SMAD6: variants seen among roughly 807,000 people sequenced by gnomAD.
SMAD6 encodes MAD homolog 6.
SMAD6 carries 103 observed loss-of-function variants against 39.4 expected under a neutral mutation model. That is an observed-to-expected ratio of 2.62 (90% confidence interval 2.23 to 3.08). The LOEUF (loss-of-function observed/expected upper bound fraction) is 3.08. Among genes scored for constraint, SMAD6 ranks in the 30% most tolerant of loss-of-function variants. SMAD6 has a pLI of 0.00. For synonymous variants in SMAD6, 445 were observed against 353.3 expected (o/e 1.26, Z -2.91); for missense variants, 1,104 against 742.9 (o/e 1.49, Z -5.65).
chr15:66,752,631 AT>A (rs1894027326), intron 3 of SMAD6, among the ~76,000 whole-genome samples: 1 of 152,032 alleles, frequency 6.6e-6, no homozygotes, highest in Non-Finnish European at 1.5e-5. Flanking sequence ...CAAAAAAAAA[AT>A]AATAATTAAA....
intron 3 of SMAD6, among the ~76,000 whole-genome samples, chr15:66,746,754 G>C (rs1022297488): frequency 6.6e-6 from 1 of 152,180 alleles, no homozygotes; most frequent in Non-Finnish European, 1.5e-5. Flanking sequence ...AGGTGACCAG[G>C]TAGGGTGAGG....
chr15:66,720,835 G>T (rs1893419686), intron 3 of SMAD6, among the ~76,000 whole-genome samples: 1 of 152,194 alleles, frequency 6.6e-6, no homozygotes, highest in Admixed American at 6.5e-5. Context: ...GGTCTAAGCT[G>T]CCCATCACTG....
chr15:66,754,358 T>G (rs2140651363), intron 3 of SMAD6, among the ~76,000 whole-genome samples: 1 of 152,318 alleles, frequency 6.6e-6, no homozygotes, highest in Non-Finnish European at 1.5e-5. Flanking sequence ...TTTGCGGTAT[T>G]CAGGGGTTCA....
chr15:66,703,274 C>A lies in SMAD6; in HGVS notation c.16C>A (p.Arg6Ser). The part of the protein sequence containing the change: MFRSK[R>S]SGLVRRLWRS... ...AGGATATCGTATGTTCAGGTCCAAA[C>A]GCTCGGGGCTGGTGCGGCGACTTTG... is the stretch of plus-strand genomic sequence containing the variant. The change falls in exon 1 of 4, where the codon CGC (arginine) becomes AGC (serine). Residue 6 changes from arginine (R) to serine (S), a missense_variant. Coordinates refer to ENST00000288840, the MANE Select transcript of SMAD6 (RefSeq NM_005585.5). 1.3e-6 allele frequency: 2 copies of A among 1,481,808 alleles called. No homozygotes were observed. Among genetic ancestry groups the A allele is most frequent in the Non-Finnish European group, 1.8e-6 (2 of 1,115,440 alleles). The allele number at this position is 1,481,808 out of a possible 1,614,324, so 91.8% of individuals were successfully genotyped here. A position where few individuals can be genotyped will look rare whatever the true frequency, so the allele number is the denominator to read the frequency against.
chr15:66,738,036 G>A (rs188354805), intron 3 of SMAD6, among the ~76,000 whole-genome samples: 90 of 152,312 alleles, frequency 5.9e-4, no homozygotes, highest in African/African-American at 2.0e-3. Flanking sequence ...GTTCAGTGGC[G>A]TCAAGGACAT....
chr15:66,741,591 A>G (rs1232774666), intron 3 of SMAD6, among the ~76,000 whole-genome samples: 2 of 152,214 alleles, frequency 1.3e-5, no homozygotes, highest in African/African-American at 4.8e-5. Flanking sequence ...GGGAACCATC[A>G]TCCCTGCAGC....
chr15:66,779,550 G>A (rs1894522995), intron 3 of SMAD6, among the ~76,000 whole-genome samples: 1 of 152,198 alleles, frequency 6.6e-6, no homozygotes, highest in Admixed American at 6.5e-5. Flanking sequence ...GGCTGGGCGG[G>A]CCTCCCAGTG....
chr15:66,777,337 G>A (rs1894484516), intron 3 of SMAD6, among the ~76,000 whole-genome samples: 1 of 152,084 alleles, frequency 6.6e-6, no homozygotes, highest in Admixed American at 6.5e-5. Flanking sequence ...GTGTGGGGTG[G>A]GGGCAATGTC....
At chr15:66,750,931 T>C (rs975680605) in intron 3 of SMAD6, among the ~76,000 whole-genome samples, 1 of 152,064 alleles carries the variant, frequency 6.6e-6, no homozygotes, top group Non-Finnish European at 1.5e-5. Flanking sequence ...TTGCATGGAA[T>C]TGGGGGCTGA....
chr15:66,770,226 G>T (rs2140668776), intron 3 of SMAD6, among the ~76,000 whole-genome samples: 1 of 152,192 alleles, frequency 6.6e-6, no homozygotes, highest in Admixed American at 6.5e-5. Context: ...CCCCCAAAGG[G>T]CCAATTTTGT....
rs1279852248 is a variant in SMAD6 at position 66,740,278 on chromosome 15, C to T, written c.952+23780C>T. On this transcript the variant is annotated intron_variant, in intron 3 of 3. Transcript: ENST00000288840. Reference sequence around the variant, plus strand: ...TTCCCCTCTTTGAGCTTCTGCAGCCCTGGGCATGAATTGAAGGCTCTTTCA... The same window carrying T: ...TTCCCCTCTTTGAGCTTCTGCAGCCTTGGGCATGAATTGAAGGCTCTTTCA... Among the ~76,000 whole-genome samples the T allele has an allele frequency of 2.0e-5, 3 of 152,238 alleles. No homozygotes were observed. In the East Asian group the frequency reaches 5.8e-4, roughly 29 times the overall value.
chr15:66,781,164 G>A lies in SMAD6; in HGVS notation c.1120G>A (p.Glu374Lys). ...CTTCTGCCTGGGCCAGCTCAACCTG[G>A]AGCAGCGCAGCGAGTCGGTGCGGCG... ...SGFCLGQLNL[E>K]QRSESVRRTR... The change falls in exon 4 of 4, where the codon GAG becomes AAG. Residue 374 changes from glutamate to lysine, a missense_variant. By Grantham distance (56) the Glu-to-Lys change is moderately conservative. Transcript: ENST00000288840. 6.2e-7 allele frequency: 1 copy of A among 1,608,006 alleles called. No homozygotes were observed. The highest frequency in any genetic ancestry group is 8.5e-7 in the Non-Finnish European group (1 of 1,179,748).
intron 3 of SMAD6, among the ~76,000 whole-genome samples, chr15:66,753,773 C>CACT (rs1047892852): frequency 2.0e-5 from 3 of 152,200 alleles, no homozygotes; most frequent in African/African-American, 7.2e-5. Context: ...CGGACTTCAT[C>CACT]ACTCTTTTGG....
At chr15:66,706,722 G>C (rs1567093208) in intron 1 of SMAD6, 1 of 152,496 alleles carries the variant, frequency 6.6e-6, no homozygotes. Context: ...CGGCACTGAG[G>C]GACTCCCACC....
At chr15:66,708,193 C>T (rs1395943191) in intron 1 of SMAD6, 1 of 153,048 alleles carries the variant, frequency 6.5e-6, no homozygotes, top group African/African-American at 2.4e-5. Context: ...TTCAGAGGGG[C>T]CTGCGGTGCT....
At chr15:66,720,853 G>A (rs752882322) in intron 3 of SMAD6, among the ~76,000 whole-genome samples, 16 of 152,282 alleles carry the variant, frequency 1.1e-4, no homozygotes, top group South Asian at 4.1e-4. Context: ...CTGGGATCGC[G>A]CAGTCCTTGC....
intron 3 of SMAD6, among the ~76,000 whole-genome samples, chr15:66,770,089 A>G (rs1894354857): frequency 6.6e-6 from 1 of 152,176 alleles, no homozygotes; most frequent in East Asian, 1.9e-4. Flanking sequence ...TGGCCTCCCA[A>G]AGTGCCGGGA....
At chr15:66,736,969 C>T (rs11636413) in intron 3 of SMAD6, among the ~76,000 whole-genome samples, 75,967 of 152,104 alleles carry the variant, frequency 0.5, 19,811 homozygotes, top group East Asian at 0.73. Flanking sequence ...CACCTGGCTC[C>T]CTCAGTTCCT....
At chr15:66,718,952 C>T (rs973846320) in intron 3 of SMAD6, among the ~76,000 whole-genome samples, 14 of 152,056 alleles carry the variant, frequency 9.2e-5, no homozygotes, top group Non-Finnish European at 1.8e-4. Context: ...TGGGCCAGGC[C>T]GGGGCATTTG....
Sources: gnomAD v4.1 joint callset for allele counts (sites outside exome capture counted in the v4.1 genomes callset) on GRCh38, gnomAD v4.1.1 for gene constraint, MANE v1.5 for transcripts, NCBI Gene and HGNC (gene_info 2026-07-23, HGNC 2026-07-21) for gene names.